The following FHOD3 variants were observed in gnomAD, a reference collection of about 807,000 sequenced individuals.
The protein encoded by FHOD3 is FH1/FH2 domain-containing protein 3.
FHOD3 carries 90 observed loss-of-function variants against 173.0 expected under a neutral mutation model. The ratio of observed to expected loss-of-function variants is 0.52; its 90% CI spans 0.44 to 0.62. The LOEUF (loss-of-function observed/expected upper bound fraction) is 0.62. Among genes scored for constraint, FHOD3 ranks in the 20% least tolerant of loss-of-function variants. The pLI is 0.00. For missense variants in FHOD3, 1,945 were observed against 2,034.7 expected, an observed-to-expected ratio of 0.96 and a Z score of 0.85; for synonymous variants, 828 against 823.0, an observed-to-expected ratio of 1.01 and a Z score of -0.10.
At chr18:36,299,836 C>T (rs1463180747) in intron 1 of FHOD3, among the ~76,000 whole-genome samples, 1 of 152,172 alleles carries the variant, frequency 6.6e-6, no homozygotes, top group Non-Finnish European at 1.5e-5. Flanking sequence ...AATCTTTTGC[C>T]CGAAGACCCC....
intron 24 of FHOD3, among the ~76,000 whole-genome samples, chr18:36,753,810 C>A (rs140021480): frequency 5.3e-5 from 8 of 152,290 alleles, no homozygotes; most frequent in Non-Finnish European, 8.8e-5. Context: ...TGATGTTGAG[C>A]AGCTTTTTTC....
At chr18:36,542,814 A>G (rs1024502210) in intron 5 of FHOD3, among the ~76,000 whole-genome samples, 2 of 152,168 alleles carry the variant, frequency 1.3e-5, no homozygotes, top group Admixed American at 6.5e-5. Flanking sequence ...TATTTAAAAA[A>G]CACCTAATAT....
At position 36,753,855 on chromosome 18, in the gene FHOD3, A is replaced by G. The variant is rs539512107; in HGVS notation, c.4233-1264A>G. Among the ~76,000 whole-genome samples the G allele has an allele frequency of 2.0e-5, 3 of 152,228 alleles. No individual in the cohort carries two copies. In the South Asian group the frequency reaches 6.2e-4, roughly 32 times the overall value. On this transcript the variant is annotated intron_variant, in intron 24 of 28. Coordinates refer to ENST00000590592, the MANE Select transcript of FHOD3 (RefSeq NM_001281740.3). ...TTGGCCGTGTGCATATCTTTTTAGG[A>G]GAAATGTCTATTCAAATCCTTTGTC...
At chr18:36,364,464 G>A (rs2046791967) in intron 2 of FHOD3, among the ~76,000 whole-genome samples, 1 of 152,206 alleles carries the variant, frequency 6.6e-6, no homozygotes, top group South Asian at 2.1e-4. Flanking sequence ...CGAGGGCACA[G>A]TGAATAGTGG....
Position 36,372,757 on chromosome 18 carries a change from T to G in FHOD3, c.337+13T>G. On this transcript the variant is annotated intron_variant, in intron 3 of 28. Coordinates refer to ENST00000590592, the MANE Select transcript of FHOD3 (RefSeq NM_001281740.3). Reference sequence around the variant, plus strand: ...CATGCCTGCATCGGTGAGTGACACCTGCCCTCAGGAACTAAACATATGATG... The same window carrying G: ...CATGCCTGCATCGGTGAGTGACACCGGCCCTCAGGAACTAAACATATGATG... 6.2e-7 allele frequency: 1 copy of G among 1,611,808 alleles called. No individual in the cohort carries two copies. Among genetic ancestry groups the G allele is most frequent in the Non-Finnish European group, 8.5e-7 (1 of 1,178,124 alleles).
At chr18:36,555,902 A>G (rs1406342165) in intron 5 of FHOD3, among the ~76,000 whole-genome samples, 1 of 152,012 alleles carries the variant, frequency 6.6e-6, no homozygotes, top group Non-Finnish European at 1.5e-5. Context: ...TTCTTTTTTC[A>G]TCCTTTTAAT....
intron 14 of FHOD3, among the ~76,000 whole-genome samples, chr18:36,663,354 G>A (rs552457196): frequency 1.3e-5 from 2 of 152,158 alleles, no homozygotes; most frequent in Non-Finnish European, 2.9e-5. Flanking sequence ...CTGTTCTTAG[G>A]AGCATCTCCC....
At chr18:36,349,935 TTTTG>T (rs779606227) in intron 1 of FHOD3, among the ~76,000 whole-genome samples, 4 of 152,118 alleles carry the variant, frequency 2.6e-5, no homozygotes, top group Admixed American at 6.5e-5. Flanking sequence ...CCCGGCTAAT[TTTTG>T]TTTGTTTGTT....
At chr18:36,711,274 T>C (rs1339905928) in intron 18 of FHOD3, 1 of 152,244 alleles carries the variant, frequency 6.6e-6, no homozygotes, top group Non-Finnish European at 1.5e-5. Context: ...TTCAGAGTGC[T>C]GTCAAATCAC....
rs1568734771 is a variant in FHOD3, at chr18:36,754,985, AT to A, written c.4233-132del. 6.3e-5 allele frequency: 11 copies of A among 173,254 alleles called. No individual in the cohort carries two copies. The East Asian group carries it at 1.6e-3, about 25-fold the overall frequency. The allele number at this position is 173,254 out of a possible 1,614,324, so 10.7% of individuals were successfully genotyped here. ...GTGGCTTGTTGGTTTCTTTATTATT[AT>A]TATTATTATTATTATTATTATTATT... On this transcript the variant is annotated intron_variant, in intron 24 of 28. Coordinates refer to ENST00000590592, the MANE Select transcript of FHOD3 (RefSeq NM_001281740.3).
At chr18:36,760,550 C>G (rs1285737219) in intron 26 of FHOD3, 58 bp from the exon 27 acceptor site, 1 of 1,440,434 alleles carries the variant, frequency 6.9e-7, no homozygotes, top group Non-Finnish European at 9.2e-7. Flanking sequence ...GTTTTAGAAG[C>G]TTGAGTTGTC....
At chr18:36,569,699 AT>A (rs2058388384) in intron 5 of FHOD3, among the ~76,000 whole-genome samples, 2 of 152,186 alleles carry the variant, frequency 1.3e-5, no homozygotes, top group Admixed American at 1.3e-4. Context: ...AAAATAAACC[AT>A]AACCAATTTA....
intron 6 of FHOD3, among the ~76,000 whole-genome samples, chr18:36,587,746 G>A (rs529493561): frequency 7.2e-5 from 11 of 152,090 alleles, no homozygotes; most frequent in African/African-American, 1.9e-4. Context: ...AGCTGAGATC[G>A]CGCCATTGCA....
intron 3 of FHOD3, among the ~76,000 whole-genome samples, chr18:36,382,324 C>T (rs1430278718): frequency 3.9e-5 from 6 of 152,088 alleles, no homozygotes; most frequent in African/African-American, 7.2e-5. Flanking sequence ...CTTCTGTTCC[C>T]GGAACAAAGC....
intron 19 of FHOD3, 138 bp downstream of exon 19, chr18:36,718,853 T>C (rs1162039121): frequency 1.9e-5 from 26 of 1,404,768 alleles, no homozygotes; most frequent in Admixed American, 5.2e-5. Flanking sequence ...ATCTTTAATA[T>C]AGTGTTCCTT....
intron 3 of FHOD3, among the ~76,000 whole-genome samples, chr18:36,494,731 G>T (rs540512504): frequency 7.9e-5 from 12 of 152,250 alleles, no homozygotes; most frequent in African/African-American, 1.9e-4. Flanking sequence ...GTGCTGGGGG[G>T]ACCTCTTTGC....
chr18:36,450,354 G>C (rs997198424), intron 3 of FHOD3, among the ~76,000 whole-genome samples: 20 of 152,162 alleles, frequency 1.3e-4, no homozygotes, highest in African/African-American at 4.8e-4. Context: ...CTGCATGCAG[G>C]GGCTCTGAGG....
intron 18 of FHOD3, among the ~76,000 whole-genome samples, chr18:36,717,198 G>A (rs1369974640): frequency 6.6e-6 from 1 of 152,074 alleles, no homozygotes; most frequent in African/African-American, 2.4e-5. Context: ...GAACTTGGAG[G>A]CAAGGTTATC....
intron 1 of FHOD3, among the ~76,000 whole-genome samples, chr18:36,337,803 G>A (rs111813310): frequency 1.7e-4 from 26 of 152,260 alleles, no homozygotes; most frequent in African/African-American, 6.3e-4. Context: ...TGCCAGGTTG[G>A]GGGAGGCATC....
Sources: allele counts gnomAD v4.1 joint callset (sites outside exome capture counted in the v4.1 genomes callset), GRCh38; gene constraint gnomAD v4.1.1; transcripts MANE v1.5; gene names NCBI Gene and HGNC (gene_info 2026-07-23, HGNC 2026-07-21).